Variants in SLC24A4 observed in about 807,000 individuals in gnomAD.
The protein encoded by SLC24A4 is solute carrier family 24 member 4, also known as sodium/potassium/calcium exchanger 4.
A neutral mutation model predicts 79.0 loss-of-function variants in SLC24A4; 53 were observed. That is an observed-to-expected ratio of 0.67 (90% CI 0.54 to 0.84). The LOEUF (loss-of-function observed/expected upper bound fraction) is 0.84. SLC24A4 is among the 40% of genes least tolerant of loss of function. The pLI, the probability that SLC24A4 is intolerant of heterozygous loss-of-function variation, is 0.00. For missense variants in SLC24A4, 731 were observed against 822.0 expected (o/e 0.89, Z 1.35); for synonymous variants, 323 against 323.8 (o/e 1.00, Z 0.03).
chr14:92,430,376 G>A (rs1284131726), intron 2 of SLC24A4, among the ~76,000 whole-genome samples: 6 of 152,220 alleles, frequency 3.9e-5, no homozygotes, highest in South Asian at 2.1e-4. Flanking sequence ...AATTCAGAGC[G>A]TCACCGTGGA....
intron 2 of SLC24A4, among the ~76,000 whole-genome samples, chr14:92,376,431 G>A (rs997615910): frequency 2.0e-5 from 3 of 152,254 alleles, no homozygotes; most frequent in Admixed American, 1.3e-4. Context: ...CCAAGCCCAC[G>A]CATGTTCCCA....
chr14:92,388,262 C>G (rs1595202434), intron 2 of SLC24A4, among the ~76,000 whole-genome samples: 1 of 152,132 alleles, frequency 6.6e-6, no homozygotes, highest in Non-Finnish European at 1.5e-5. Flanking sequence ...ACACAAGGAC[C>G]TGTGTGTGAG....
intron 2 of SLC24A4, among the ~76,000 whole-genome samples, chr14:92,363,903 C>A (rs1887674862): frequency 6.6e-6 from 1 of 152,202 alleles, no homozygotes; most frequent in South Asian, 2.1e-4. Flanking sequence ...CTGGTCCCTG[C>A]TGCCTGGCCC....
chr14:92,369,686 G>A (rs960570160), intron 2 of SLC24A4, among the ~76,000 whole-genome samples: 3 of 152,280 alleles, frequency 2.0e-5, no homozygotes, highest in Admixed American at 6.5e-5. Context: ...TGACTTGGGC[G>A]CCACTGACAG....
At chr14:92,418,152 G>A (rs1301021308) in intron 2 of SLC24A4, among the ~76,000 whole-genome samples, 4 of 152,206 alleles carry the variant, frequency 2.6e-5, no homozygotes, top group African/African-American at 9.7e-5. Context: ...TCAGGGAATA[G>A]CAGGGATTTG....
Position 92,495,664 on chromosome 14 carries a change from C to T in SLC24A4, c.*2036C>T, listed in dbSNP as rs1895897952. The T allele has an allele frequency of 6.6e-6, 1 of 152,206 alleles. No individual in the cohort carries two copies. The highest frequency in any genetic ancestry group is 6.5e-5 in the Admixed American group (1 of 15,276). 9.4% of individuals were successfully genotyped at this position (152,206 alleles called of 1,614,324 possible). ...GTGATGTATGTAGGGATTATTCTCC[C>T]CACTTAACAGAAAGTAGTGTCTTGG... On this transcript the variant is annotated 3_prime_UTR_variant, in exon 17 of 17. Coordinates refer to ENST00000532405, the MANE Select transcript of SLC24A4 (RefSeq NM_153646.4).
chr14:92,483,841 A>G (rs1895209646), intron 13 of SLC24A4: 1 of 1,289,544 alleles, frequency 7.8e-7, no homozygotes, highest in African/African-American at 1.5e-5. Context: ...TTCTCCTCCT[A>G]ATGCCTGACA....
chr14:92,466,724 G>T (rs1894147254), intron 12 of SLC24A4, among the ~76,000 whole-genome samples: 1 of 152,186 alleles, frequency 6.6e-6, no homozygotes, highest in Non-Finnish European at 1.5e-5. Context: ...CTGGTAAGTA[G>T]CAGAGGGACT....
chr14:92,370,801 G>C (rs1348326420), intron 2 of SLC24A4, among the ~76,000 whole-genome samples: 1 of 152,188 alleles, frequency 6.6e-6, no homozygotes, highest in Non-Finnish European at 1.5e-5. Context: ...TCTTGTGAGA[G>C]TTTCCCCAAT....
At chr14:92,493,320 C>T (rs117843504) in intron 16 of SLC24A4, among the ~76,000 whole-genome samples, 156 bp from the exon 17 acceptor site, 298 of 152,308 alleles carry the variant, frequency 2.0e-3, no homozygotes, top group Non-Finnish European at 3.4e-3. Context: ...AGGGCTTATT[C>T]TGGTCAAACT....
chr14:92,395,595 C>T (rs1463275652), intron 2 of SLC24A4, among the ~76,000 whole-genome samples: 2 of 152,164 alleles, frequency 1.3e-5, no homozygotes, highest in Non-Finnish European at 2.9e-5. Context: ...TTTGCTAATA[C>T]TTTTTACTTG....
Position 92,434,007 on chromosome 14 carries a change from G to A in SLC24A4, c.318+19G>A. 3 of 1,608,632 alleles carry A rather than the reference G, an allele frequency of 1.9e-6. No homozygotes were observed. The highest frequency in any genetic ancestry group is 2.6e-6 in the Non-Finnish European group (3 of 1,175,014). On this transcript the variant is annotated intron_variant, in intron 3 of 16. Coordinates refer to ENST00000532405, the MANE Select transcript of SLC24A4 (RefSeq NM_153646.4). Reference sequence around the variant, plus strand: ...CCTTGGTGTAAGTCGTCCTCCCAGAGTGGTCACAAAACTTCTGGCACATGA... The same window carrying A: ...CCTTGGTGTAAGTCGTCCTCCCAGAATGGTCACAAAACTTCTGGCACATGA...
chr14:92,339,081 T>G (rs1885977971), intron 2 of SLC24A4, among the ~76,000 whole-genome samples: 1 of 152,120 alleles, frequency 6.6e-6, no homozygotes, highest in Non-Finnish European at 1.5e-5. Context: ...CGGAAGGAGT[T>G]AAGTGTTAGA....
Position 92,447,236 on chromosome 14 carries a change from C to T in SLC24A4, c.684-135C>T, listed in dbSNP as rs1018034550. ...AGGCTGGGGGATCTCTCTCACATGC[C>T]TGGGTTCTGGGCCCGGCACTAGGGG... On this transcript the variant is annotated intron_variant, in intron 8 of 16. Transcript: ENST00000532405. 2.4e-5 allele frequency: 17 copies of T among 713,938 alleles called. No homozygotes were observed. The African/African-American group carries it at 2.8e-4, about 12-fold the overall frequency. The allele number at this position is 713,938 out of a possible 1,614,324, so 44.2% of individuals were successfully genotyped here. A position where few individuals can be genotyped will look rare whatever the true frequency, so the allele number is the denominator to read the frequency against.
At chr14:92,447,225 C>G (rs1289749684) in intron 8 of SLC24A4, 146 bp from the exon 9 acceptor site, 13 of 668,880 alleles carry the variant, frequency 1.9e-5, no homozygotes, top group Non-Finnish European at 3.1e-5. Flanking sequence ...TGGGGGATCT[C>G]TCTCACATGC....
At chr14:92,453,868 A>C (rs754864138) in intron 10 of SLC24A4, 32 bp from the exon 11 acceptor site, 1 of 1,579,758 alleles carries the variant, frequency 6.3e-7, no homozygotes, top group Non-Finnish European at 8.6e-7. Context: ...CCTCAGAGAG[A>C]TCAGCACTAA....
At chr14:92,392,108 G>A (rs1373581424) in intron 2 of SLC24A4, among the ~76,000 whole-genome samples, 4 of 151,812 alleles carry the variant, frequency 2.6e-5, no homozygotes, top group East Asian at 1.9e-4. Context: ...CCTCCTTCCC[G>A]GGGCCCTATT....
intron 13 of SLC24A4, among the ~76,000 whole-genome samples, chr14:92,486,418 G>A (rs1895360174): frequency 6.6e-6 from 1 of 152,118 alleles, no homozygotes; most frequent in African/African-American, 2.4e-5. Context: ...TGGCATCCCT[G>A]GTCCTGAGCA....
In SLC24A4 at chr14:92,441,951, G is replaced by T; in HGVS notation, c.394-138G>T. 1 of 620,282 alleles carries T rather than the reference G, an allele frequency of 1.6e-6. No homozygotes were observed. Among genetic ancestry groups the T allele is most frequent in the Non-Finnish European group, 2.9e-6 (1 of 346,088 alleles). The allele number at this position is 620,282 out of a possible 1,614,324, so 38.4% of individuals were successfully genotyped here. ...CAGAGGGCACACAGCATGTGCCCAGGGGTGAGAGGCTGCAGGCAGACGAGT... is the reference window on the plus strand; with the variant it reads ...CAGAGGGCACACAGCATGTGCCCAGTGGTGAGAGGCTGCAGGCAGACGAGT... On this transcript the variant is annotated intron_variant, in intron 4 of 16. Coordinates refer to ENST00000532405, the MANE Select transcript of SLC24A4 (RefSeq NM_153646.4). This position sits in a 1 kb window ranked among gnomAD's most constrained non-coding sequence, Gnocchi z 4.6.
Sources: gnomAD v4.1 joint callset for allele counts (sites outside exome capture counted in the v4.1 genomes callset) on GRCh38, gnomAD v4.1.1 for gene constraint, Gnocchi (gnomAD v3.1) non-coding constraint, MANE v1.5 for transcripts, NCBI Gene and HGNC (gene_info 2026-07-23, HGNC 2026-07-21) for gene names.